ASTN1: variants seen among roughly 807,000 people sequenced by gnomAD.
ASTN1 encodes the protein astrotactin 1.
ASTN1 carries 41 observed loss-of-function variants against 140.7 expected under a neutral mutation model. That is an observed-to-expected ratio of 0.29 (90% CI 0.23 to 0.38). The LOEUF (loss-of-function observed/expected upper bound fraction) is 0.38. Ranked by LOEUF, ASTN1 falls within the 10% of genes least tolerant of loss-of-function variation. The pLI is 1.00. For missense variants in ASTN1, 1,479 were observed against 1,678.8 expected, an observed-to-expected ratio of 0.88 and a Z score of 2.08; for synonymous variants, 640 against 652.2, an observed-to-expected ratio of 0.98 and a Z score of 0.29.
At chr1:176,873,778 A>T (rs920287099) in intron 21 of ASTN1, among the ~76,000 whole-genome samples, 2 of 152,094 alleles carry the variant, frequency 1.3e-5, no homozygotes, top group African/African-American at 4.8e-5. Context: ...CTCAACACTA[A>T]ATTGGCTCTT....
rs1432793158 is a variant in ASTN1, at chr1:176,934,317, G to A, written c.2506C>T (p.Leu836=). The change falls in exon 16 of 23, where the codon CTG becomes TTG. Residue 836 remains leucine, a synonymous_variant. Coordinates refer to ENST00000361833, the MANE Select transcript of ASTN1 (RefSeq NM_004319.3). ...SQALSNALHS[L]DGATSRADFV... is the part of the protein sequence containing the mutation. ...TCTGCACGAGATGTAGCCCCATCCA[G>A]CGAGTGGAGAGCATTGCTGAGGGCT... The A allele has an allele frequency of 6.2e-7, 1 of 1,613,156 alleles. No homozygotes were observed. Among genetic ancestry groups the A allele is most frequent in the Non-Finnish European group, 8.5e-7 (1 of 1,179,364 alleles).
At position 176,863,090 on chromosome 1, in the gene ASTN1, T is replaced by A. The variant is rs543547509; in HGVS notation, c.*1194A>T. 1.0e-6 allele frequency: 1 copy of A among 985,640 alleles called. No homozygotes were observed. The highest frequency in any genetic ancestry group is 6.1e-5 in the Admixed American group (1 of 16,280). The allele number at this position is 985,640 out of a possible 1,614,324, so 61.1% of individuals were successfully genotyped here. On this transcript the variant is annotated 3_prime_UTR_variant, in exon 23 of 23. Coordinates refer to ENST00000361833, the MANE Select transcript of ASTN1 (RefSeq NM_004319.3). ...CCATGCCAATGCTTGGGCAGTGGGA[T>A]GGAAACAACACTCTAGATGTTAACT...
intron 8 of ASTN1, among the ~76,000 whole-genome samples, chr1:176,996,928 T>C (rs1418394614): frequency 6.6e-6 from 1 of 152,002 alleles, no homozygotes. Flanking sequence ...AGAGCAGAAG[T>C]GTGTATTTGA....
At chr1:176,941,159 C>A (rs1404987041) in intron 14 of ASTN1, among the ~76,000 whole-genome samples, 2 of 152,112 alleles carry the variant, frequency 1.3e-5, no homozygotes, top group East Asian at 1.9e-4. Context: ...ATAAGATTCC[C>A]TATGTAAGTC....
intron 1 of ASTN1, among the ~76,000 whole-genome samples, chr1:177,129,141 G>A (rs1410321817): frequency 6.6e-6 from 1 of 152,118 alleles, no homozygotes; most frequent in Non-Finnish European, 1.5e-5. Context: ...TCATCTTATT[G>A]GGAAAACAAC....
chr1:176,924,589 A>G (rs989616070), intron 16 of ASTN1, among the ~76,000 whole-genome samples: 1 of 152,174 alleles, frequency 6.6e-6, no homozygotes, highest in Non-Finnish European at 1.5e-5. Flanking sequence ...AATTTTTTGC[A>G]TCATTCATTA....
intron 1 of ASTN1, among the ~76,000 whole-genome samples, chr1:177,132,820 A>C (rs750566772): frequency 6.6e-6 from 1 of 152,186 alleles, no homozygotes; most frequent in Non-Finnish European, 1.5e-5. Flanking sequence ...TTCACTGAAG[A>C]CCTGAAATCA....
Position 177,015,698 on chromosome 1 carries a change from AT to A in ASTN1, c.1439-824del, listed in dbSNP as rs558720236. Among the ~76,000 whole-genome samples, 682 of 152,046 alleles carry A rather than the reference AT, an allele frequency of 4.5e-3. 3 individuals carry two copies. Among genetic ancestry groups the A allele is most frequent in the African/African-American group, 0.01 (432 of 41,490 alleles). ...CAAAACTGTATATGTGTGTATATGC[AT>A]TTTTTTTGAGGCAGGGTCCCATAAC... is the stretch of plus-strand genomic sequence containing the variant. On this transcript the variant is annotated intron_variant, in intron 7 of 22. Coordinates refer to ENST00000361833, the MANE Select transcript of ASTN1 (RefSeq NM_004319.3).
At chr1:177,029,448 A>G in intron 5 of ASTN1, 186 bp downstream of exon 5, 1 of 766,452 alleles carries the variant, frequency 1.3e-6, no homozygotes, top group Non-Finnish European at 2.4e-6. Context: ...TGATTCTCTG[A>G]AATTTTCCAC....
intron 8 of ASTN1, among the ~76,000 whole-genome samples, chr1:176,986,041 G>A (rs1673889666): frequency 6.6e-6 from 1 of 152,118 alleles, no homozygotes; most frequent in Non-Finnish European, 1.5e-5. Flanking sequence ...ACTGCCTCCT[G>A]CGCCCGCCTC....
intron 22 of ASTN1, 45 bp downstream of exon 22, chr1:176,868,799 A>C: frequency 6.5e-7 from 1 of 1,535,820 alleles, no homozygotes; most frequent in African/African-American, 1.4e-5. Context: ...AGAGGTACAA[A>C]ATTTCAAGAA....
chr1:177,034,838 T>C (rs530620773), intron 2 of ASTN1, among the ~76,000 whole-genome samples: 1 of 152,328 alleles, frequency 6.6e-6, no homozygotes, highest in South Asian at 2.1e-4. Context: ...ATTAAGCTAG[T>C]GAAAACGAGA....
chr1:176,998,677 A>T (rs569295376), intron 8 of ASTN1, among the ~76,000 whole-genome samples: 1 of 152,222 alleles, frequency 6.6e-6, no homozygotes, highest in Admixed American at 6.5e-5. Context: ...CTGTGCACAC[A>T]GTGAGCTCAG....
chr1:177,023,905 G>A (rs1675961251), intron 6 of ASTN1, among the ~76,000 whole-genome samples: 1 of 152,152 alleles, frequency 6.6e-6, no homozygotes. Context: ...CCAGCCACAG[G>A]CACTGGCACT....
chr1:177,029,719 A>C lies in ASTN1; in HGVS notation c.1035T>G (p.Pro345=), dbSNP rs753092137. ...KARAGSAFLN[P]EGDSGTEAEN... is the part of the protein sequence containing the mutation. ...CTGCCTCTGTGCCAGAATCCCCTTCAGGGTTCAAGAAGGCGGAACCAGCTG... is the reference window on the plus strand; with the variant it reads ...CTGCCTCTGTGCCAGAATCCCCTTCCGGGTTCAAGAAGGCGGAACCAGCTG... The change falls in exon 5 of 23, where the codon CCT becomes CCG. Residue 345 remains proline (P), a synonymous_variant. Transcript: ENST00000361833. 13 of 1,612,684 alleles carry C rather than the reference A, an allele frequency of 8.1e-6. No homozygotes were observed. The Admixed American group carries it at 8.3e-5, about 10-fold the overall frequency.
Position 176,894,566 on chromosome 1 carries a change from T to A in ASTN1, c.2936A>T (p.Gln979Leu). 6.2e-7 allele frequency: 1 copy of A among 1,613,958 alleles called. No homozygotes were observed. The highest frequency in any genetic ancestry group is 8.5e-7 in the Non-Finnish European group (1 of 1,180,000). Residue 979 changes from glutamine to leucine, a missense_variant, in exon 17 of 23, where the codon CAG becomes CTG. Around this residue, in one of 3 missense-constraint regions of ASTN1, gnomAD observed 746 missense variants for 800.9 expected, o/e 0.93. Transcript: ENST00000361833. ...CAAGAGTCCCAGGCCTCTTACCCTC[T>A]GGGTCTGGTTGTTGGTCACTAGTTC... The part of the protein sequence containing the change: ...IYELVTNNQT[Q>L]RLLQEATMSS...
chr1:177,154,264 A>G (rs890270169), intron 1 of ASTN1, among the ~76,000 whole-genome samples: 11 of 152,176 alleles, frequency 7.2e-5, no homozygotes, highest in African/African-American at 2.4e-4. Context: ...AATGGATAAG[A>G]TTTGTGTTGT....
chr1:176,986,733 C>T (rs1673925412), intron 8 of ASTN1, among the ~76,000 whole-genome samples: 1 of 152,114 alleles, frequency 6.6e-6, no homozygotes, highest in Non-Finnish European at 1.5e-5. Flanking sequence ...CTCATTTCCT[C>T]CCATGTAGAA....
At chr1:176,867,430 A>C (rs1406253945) in intron 22 of ASTN1, among the ~76,000 whole-genome samples, 1 of 152,108 alleles carries the variant, frequency 6.6e-6, no homozygotes, top group Non-Finnish European at 1.5e-5. Flanking sequence ...AGTAAGAATA[A>C]GGTAAAGATA....
Sources: allele counts gnomAD v4.1 joint callset (sites outside exome capture counted in the v4.1 genomes callset), GRCh38; gene constraint gnomAD v4.1.1; regional missense constraint gnomAD v4.1.1; transcripts MANE v1.5; gene names NCBI Gene and HGNC (gene_info 2026-07-23, HGNC 2026-07-21).